The following ZC3H7A variants were observed in gnomAD, a reference collection of about 807,000 sequenced individuals.
ZC3H7A encodes the protein zinc finger CCCH domain-containing protein 7A.
In ZC3H7A, 44 loss-of-function variants were observed where a neutral mutation model predicts 125.5. That is an observed-to-expected ratio of 0.35 (90% CI 0.28 to 0.45). The LOEUF is 0.45. ZC3H7A is among the 20% of genes least tolerant of loss of function. The probability of loss-of-function intolerance (pLI) is 1.00; values close to 1 mark genes in which losing one functional copy is unlikely to be tolerated. For synonymous variants in ZC3H7A, 399 were observed against 391.2 expected, an observed-to-expected ratio of 1.02 and a Z score of -0.23; for missense variants, 977 against 1,170.7, an observed-to-expected ratio of 0.83 and a Z score of 2.41.
intron 1 of ZC3H7A, among the ~76,000 whole-genome samples, chr16:11,786,063 A>G (rs1470987494): frequency 2.0e-5 from 3 of 152,174 alleles, no homozygotes. Context: ...AGGTCTTTTC[A>G]ATCTATGTGT....
intron 1 of ZC3H7A, among the ~76,000 whole-genome samples, chr16:11,791,236 C>T (rs944457118): frequency 4.6e-5 from 7 of 152,058 alleles, no homozygotes; most frequent in African/African-American, 1.4e-4. Context: ...CCCCAAGCCA[C>T]GCAGCTCCTG....
intron 1 of ZC3H7A, among the ~76,000 whole-genome samples, chr16:11,790,941 C>G (rs979908250): frequency 3.3e-5 from 5 of 151,734 alleles, no homozygotes; most frequent in Admixed American, 3.3e-4. Context: ...CTGGTGGCAC[C>G]TGCTTGTATG....
At chr16:11,764,017 A>C (rs1172523722) in intron 15 of ZC3H7A, among the ~76,000 whole-genome samples, 1 of 151,452 alleles carries the variant, frequency 6.6e-6, no homozygotes, top group Admixed American at 6.6e-5. Flanking sequence ...GATGGTCTCA[A>C]TCTCCTGACC....
Position 11,755,702 on chromosome 16 carries a change from A to T in ZC3H7A, c.2562+535T>A, listed in dbSNP as rs2052633002. Reference sequence around the variant, plus strand: ...CAGGCAAGTAAGGAGAGAAACCAGGACTTGGACTTATGATTCTCTGGCTCC... The same window carrying T: ...CAGGCAAGTAAGGAGAGAAACCAGGTCTTGGACTTATGATTCTCTGGCTCC... On this transcript the variant is annotated intron_variant, in intron 21 of 22. Coordinates refer to ENST00000355758, the MANE Select transcript of ZC3H7A (RefSeq NM_014153.4). Among the ~76,000 whole-genome samples the T allele has an allele frequency of 2.0e-5, 3 of 152,170 alleles. No homozygotes were observed. The South Asian group carries it at 6.2e-4, about 32-fold the overall frequency.
rs141855379 is a variant in ZC3H7A at position 11,776,556 on chromosome 16, T to A, written c.466-24A>T. ...TCCTGAAAAAAATAAGTATGTATAA[T>A]TAACAGGGTTATATTTACTAATGGT... On this transcript the variant is annotated intron_variant, in intron 5 of 22. Transcript: ENST00000355758. 436 of 1,585,040 alleles carry A rather than the reference T, an allele frequency of 2.8e-4. 1 individual carries two copies. Among genetic ancestry groups the A allele is most frequent in the Non-Finnish European group, 3.6e-4 (421 of 1,164,898 alleles).
In ZC3H7A at chr16:11,751,061, A is replaced by G. The variant is rs2052545647; in HGVS notation, c.*256T>C. 2.7e-6 allele frequency: 1 copy of G among 368,664 alleles called. No homozygotes were observed. Among genetic ancestry groups the G allele is most frequent in the Non-Finnish European group, 4.9e-6 (1 of 203,370 alleles). The allele number at this position is 368,664 out of a possible 1,614,324, so 22.8% of individuals were successfully genotyped here. A position where few individuals can be genotyped will look rare whatever the true frequency, so the allele number is the denominator to read the frequency against. ...ATAACCTTATCCTCTTCCCCAACACACTTCATCCAAAAGTCTGTTCAACAG... is the reference window on the plus strand; with the variant it reads ...ATAACCTTATCCTCTTCCCCAACACGCTTCATCCAAAAGTCTGTTCAACAG... On this transcript the variant is annotated 3_prime_UTR_variant, in exon 23 of 23. Transcript: ENST00000355758.
rs1332748604 is a variant in ZC3H7A, at chr16:11,767,550, A to T, written c.1389T>A (p.His463Gln). 1 of 1,598,464 alleles carries T rather than the reference A, an allele frequency of 6.3e-7. No individual in the cohort carries two copies. ...TCTTACACTTATGATCTATGTTAGC[A>T]TGGTAAGTGAAATCCATTAACTTAG... ...SGPKLMDFTY[H>Q]ANIDHKCKKD... Residue 463 changes from histidine to glutamine, a missense_variant, in exon 13 of 23, where the codon CAT becomes CAA. Coordinates refer to ENST00000355758, the MANE Select transcript of ZC3H7A (RefSeq NM_014153.4).
At chr16:11,763,921 A>T (rs1271243196) in intron 15 of ZC3H7A, among the ~76,000 whole-genome samples, 1 of 149,422 alleles carries the variant, frequency 6.7e-6, no homozygotes, top group Non-Finnish European at 1.5e-5. Context: ...CTCCTGCCTC[A>T]GCCTCCTAAG....
chr16:11,779,253 A>C lies in ZC3H7A; in HGVS notation c.219T>G (p.Ala73=). 6.2e-7 allele frequency: 1 copy of C among 1,613,692 alleles called. No homozygotes were observed. Among genetic ancestry groups the C allele is most frequent in the Non-Finnish European group, 8.5e-7 (1 of 1,179,796 alleles). The change falls in exon 4 of 23, where the codon GCT becomes GCG. Residue 73 remains alanine, a synonymous_variant. Coordinates refer to ENST00000355758, the MANE Select transcript of ZC3H7A (RefSeq NM_014153.4). ...AAATTTCTTCAGATTTTGCATAATC[A>C]GCTATATTCAAGGCTTCCGTGTACT... is the stretch of plus-strand genomic sequence containing the variant. The part of the protein sequence containing the change: ...ISQYTEALNI[A]DYAKSEEILI...
intron 13 of ZC3H7A, among the ~76,000 whole-genome samples, chr16:11,766,825 G>A (rs1378544254): frequency 6.6e-6 from 1 of 152,212 alleles, no homozygotes; most frequent in Non-Finnish European, 1.5e-5. Context: ...AGAGGTTGCA[G>A]TGAGCCGAGA....
intron 20 of ZC3H7A, 33 bp downstream of exon 20, chr16:11,758,398 T>C: frequency 6.6e-7 from 1 of 1,514,782 alleles, no homozygotes; most frequent in Non-Finnish European, 9.2e-7. Flanking sequence ...TCAGGCAAGC[T>C]AGCTCAAGGA....
chr16:11,781,976 C>T (rs2053180610), intron 2 of ZC3H7A, among the ~76,000 whole-genome samples: 1 of 152,082 alleles, frequency 6.6e-6, no homozygotes, highest in South Asian at 2.1e-4. Context: ...CCCTCTGTGC[C>T]GCCAGATGTT....
Position 11,765,127 on chromosome 16 carries a change from C to A in ZC3H7A, c.1746G>T (p.Met582Ile). The A allele has an allele frequency of 6.3e-7, 1 of 1,576,954 alleles. No homozygotes were observed. Among genetic ancestry groups the A allele is most frequent in the Non-Finnish European group, 8.6e-7 (1 of 1,163,128 alleles). ...CEKCFDHKPRMISKRNKDNST... is the reference protein window; with the variant it reads ...CEKCFDHKPRIISKRNKDNST... ...AATTATCTTTATTTCTTTTACTTAT[C>A]ATTCTAGGCTTATGATCAAAACATT... Residue 582 changes from methionine (M) to isoleucine (I), a missense_variant, in exon 15 of 23, where the codon ATG becomes ATT. Met to Ile is a conservative substitution (Grantham distance 10). Transcript: ENST00000355758. The surrounding 1 kb of genome is among the most constrained non-coding windows in gnomAD (Gnocchi z 4.8).
At chr16:11,792,683 C>T (rs776718924) in intron 1 of ZC3H7A, among the ~76,000 whole-genome samples, 1 of 152,176 alleles carries the variant, frequency 6.6e-6, no homozygotes, top group Non-Finnish European at 1.5e-5. Context: ...AACTGAAATA[C>T]AGATAAGTGA....
intron 9 of ZC3H7A, 44 bp from the exon 10 acceptor site, chr16:11,771,031 A>G (rs1260540571): frequency 1.9e-6 from 3 of 1,560,892 alleles, no homozygotes; most frequent in Admixed American, 1.9e-5. Context: ...TGAAGCTGTC[A>G]TGGGTTTGGC....
At chr16:11,753,125 A>G in intron 21 of ZC3H7A, 1 of 327,850 alleles carries the variant, frequency 3.1e-6, no homozygotes, top group Middle Eastern at 8.8e-4. Context: ...ACAAGGATTC[A>G]GGGAAGAACT....
chr16:11,785,131 C>A (rs2053237093), intron 1 of ZC3H7A, among the ~76,000 whole-genome samples: 1 of 152,136 alleles, frequency 6.6e-6, no homozygotes, highest in African/African-American at 2.4e-5. Flanking sequence ...GCACTCCAGC[C>A]TGAGCAACAA....
chr16:11,782,344 A>T lies in ZC3H7A; in HGVS notation c.11T>A (p.Val4Glu). 1 of 1,614,170 alleles carries T rather than the reference A, an allele frequency of 6.2e-7. No homozygotes were observed. The highest frequency in any genetic ancestry group is 1.7e-5 in the Admixed American group (1 of 60,020). ...CTGCCTTTTTCTTCTCTCCTCGGAC[A>T]CATTGGACATGTTATCCCACACATC... MSN[V>E]SEERRKRQQN... The change falls in exon 2 of 23, where the codon GTG (valine) becomes GAG (glutamate). Residue 4 changes from valine to glutamate, a missense_variant. Physicochemically the swap from Val to Glu is moderately radical, Grantham distance 121. Transcript: ENST00000355758.
In ZC3H7A at chr16:11,751,262, T is replaced by G. The variant is rs949287954; in HGVS notation, c.*55A>C. On this transcript the variant is annotated 3_prime_UTR_variant, in exon 23 of 23. Transcript: ENST00000355758. ...TCCTCTGCTATGTGCCTCAGAACAC[T>G]TTCAATTTTTCTGGTCAATGCTCTG... The G allele has an allele frequency of 1.3e-6, 2 of 1,530,646 alleles. No individual in the cohort carries two copies. Among genetic ancestry groups the G allele is most frequent in the African/African-American group, 2.8e-5 (2 of 72,250 alleles). The allele number at this position is 1,530,646 out of a possible 1,614,324, so 94.8% of individuals were successfully genotyped here.
Sources: allele counts gnomAD v4.1 joint callset (sites outside exome capture counted in the v4.1 genomes callset), GRCh38; gene constraint gnomAD v4.1.1; non-coding constraint Gnocchi (gnomAD v3.1); transcripts MANE v1.5; gene names NCBI Gene and HGNC (gene_info 2026-07-23, HGNC 2026-07-21).